The following CXorf66 variants were observed in gnomAD, a reference collection of about 807,000 sequenced individuals.
CXorf66 encodes the protein uncharacterized protein CXorf66.
Under a neutral mutation model 5.0 loss-of-function variants are expected in CXorf66, and 6 were observed. The ratio of observed to expected loss-of-function variants is 1.20; its 90% confidence interval spans 0.65 to 2.36. The LOEUF is 2.36. Ranked by LOEUF, CXorf66 falls within the 30% of genes most tolerant of loss-of-function variation. The probability of loss-of-function intolerance (pLI) is 0.00; values close to 1 mark genes in which losing one functional copy is unlikely to be tolerated. For synonymous variants in CXorf66, 98 were observed against 102.8 expected (o/e 0.95, Z 0.28); for missense variants, 270 against 254.9 (o/e 1.06, Z -0.40).
At chrX:139,959,784 G>T (rs1036445902) in intron 1 of CXorf66, among the ~76,000 whole-genome samples, 5 of 111,832 alleles carry the variant, frequency 4.5e-5, no homozygotes, top group African/African-American at 1.6e-4. Flanking sequence ...GGCAAATAGG[G>T]TCTGGAGTGG....
intron 2 of CXorf66, among the ~76,000 whole-genome samples, 179 bp downstream of exon 2, chrX:139,957,885 A>G (rs762053846): frequency 9.0e-6 from 1 of 111,703 alleles, no homozygotes; most frequent in South Asian, 3.7e-4. Context: ...TGAAGTTAAT[A>G]ATGTACTAGA....
chrX:139,963,570 C>T (rs2085602398), intron 1 of CXorf66, among the ~76,000 whole-genome samples: 1 of 111,676 alleles, frequency 9.0e-6, no homozygotes, highest in Non-Finnish European at 1.9e-5. Flanking sequence ...TACTTTAAAT[C>T]TCATATGGAA....
Position 139,955,953 on chromosome X carries a change from G to A in CXorf66, c.1029C>T (p.Ile343=), listed in dbSNP as rs758438020. The change falls in exon 3 of 3, where the codon ATC becomes ATT. Residue 343 remains isoleucine, a synonymous_variant. Transcript: ENST00000370540. ...YSEVDSDKVI[I]ITCDRGYNQV... The stretch of plus-strand genomic sequence containing the variant: ...GATTGTACCCTCTGTCACACGTAAT[G>A]ATTATAACTTTATCACTGTCAACCT... 5.5e-5 allele frequency: 66 copies of A among 1,206,818 alleles called. 1 individual carries two copies. The Middle Eastern group carries it at 2.1e-3, about 38-fold the overall frequency.
intron 1 of CXorf66, among the ~76,000 whole-genome samples, chrX:139,962,406 A>C (rs1739682090): frequency 9.0e-6 from 1 of 111,457 alleles, no homozygotes; most frequent in Admixed American, 9.6e-5. Flanking sequence ...ACCAATAACA[A>C]GTTCTGAAAT....
chrX:139,959,171 A>T (rs1004572665), intron 1 of CXorf66, among the ~76,000 whole-genome samples: 10 of 111,841 alleles, frequency 8.9e-5, no homozygotes, highest in Non-Finnish European at 1.9e-4. Flanking sequence ...TACTGGCTTG[A>T]CATTCTCGAT....
Position 139,958,073 on chromosome X carries a change from T to G in CXorf66, c.233A>C (p.Lys78Thr). Residue 78 changes from lysine to threonine, a missense_variant, in exon 2 of 3, where the codon AAA (lysine) becomes ACA (threonine). Physicochemically the swap from Lys to Thr is moderately conservative, Grantham distance 78. Transcript: ENST00000370540. ...HYNCLSDDASKAGMVKKKGIA... is the reference protein window; with the variant it reads ...HYNCLSDDASTAGMVKKKGIA... The stretch of plus-strand genomic sequence containing the variant: ...AAGGAGTAAAACTTACATTCCTGCT[T>G]TGGACGCATCATCGCTCAGACAATT... 8.3e-7 allele frequency: 1 copy of G among 1,199,625 alleles called. No homozygotes were observed. The highest frequency in any genetic ancestry group is 1.1e-6 in the Non-Finnish European group (1 of 890,895).
At chrX:139,965,376 C>T in intron 1 of CXorf66, 33 bp downstream of exon 1, 1 of 1,009,953 alleles carries the variant, frequency 9.9e-7, no homozygotes, top group Non-Finnish European at 1.4e-6. Context: ...TGTAACAGAT[C>T]ATAATTTACA....
In CXorf66 at chrX:139,956,353, G is replaced by A. The variant is rs760780875; in HGVS notation, c.629C>T (p.Pro210Leu). The change falls in exon 3 of 3, where the codon CCT becomes CTT. Residue 210 changes from proline (P) to leucine (L), a missense_variant. Physicochemically the swap from Pro to Leu is moderately conservative, Grantham distance 98. Coordinates refer to ENST00000370540, the MANE Select transcript of CXorf66 (RefSeq NM_001013403.3). Reference protein sequence around the residue: ...LASSDKPVRPPQLFKPLYSSH... With the variant: ...LASSDKPVRPLQLFKPLYSSH... ...TGAATAAAGTGGCTTGAATAGCTGAGGTGGCCTGACTGGCTTATCTGAACT... is the reference window on the plus strand; with the variant it reads ...TGAATAAAGTGGCTTGAATAGCTGAAGTGGCCTGACTGGCTTATCTGAACT... 5.0e-6 allele frequency: 6 copies of A among 1,211,663 alleles called. No homozygotes were observed. Among genetic ancestry groups the A allele is most frequent in the Non-Finnish European group, 5.6e-6 (5 of 895,355 alleles).
rs751020711 is a variant in CXorf66 at position 139,956,579 on chromosome X, C to A, written c.403G>T (p.Glu135Ter). Residue 135 changes from glutamate (E) to a stop codon, truncating the protein, a stop_gained, in exon 3 of 3, where the codon GAA becomes TAA. Coordinates refer to ENST00000370540, the MANE Select transcript of CXorf66 (RefSeq NM_001013403.3). LOFTEE classifies it low-confidence loss of function (END_TRUNC). ...PERASAQSST[E>*]KLIRPSSLQK... ...AGACTTGAGGGTCTGATTAATTTTTCTGTGCTGGATTGTGCGGATGCCCTT... is the reference window on the plus strand; with the variant it reads ...AGACTTGAGGGTCTGATTAATTTTTATGTGCTGGATTGTGCGGATGCCCTT... The A allele has an allele frequency of 8.3e-7, 1 of 1,209,167 alleles. No individual in the cohort carries two copies. The highest frequency in any genetic ancestry group is 1.1e-6 in the Non-Finnish European group (1 of 895,065).
chrX:139,961,015 G>A (rs1029656561), intron 1 of CXorf66, among the ~76,000 whole-genome samples: 1 of 111,476 alleles, frequency 9.0e-6, no homozygotes, highest in African/African-American at 3.3e-5. Flanking sequence ...TGAAGAAACT[G>A]CAACAACTAA....
intron 1 of CXorf66, among the ~76,000 whole-genome samples, chrX:139,961,735 T>C (rs759117696): frequency 1.4e-4 from 16 of 111,982 alleles, no homozygotes; most frequent in Admixed American, 5.7e-4. Context: ...CAGATCACAG[T>C]GCAATCAAAT....
chrX:139,958,935 T>A (rs757114347), intron 1 of CXorf66, among the ~76,000 whole-genome samples: 26 of 112,125 alleles, frequency 2.3e-4, no homozygotes, highest in Middle Eastern at 4.6e-3. Flanking sequence ...GACCAGGAGA[T>A]TCTCTCGTGT....
chrX:139,955,775 G>C lies in CXorf66; in HGVS notation c.*121C>G, dbSNP rs1569496088. The C allele has an allele frequency of 1.5e-5, 9 of 583,200 alleles. No homozygotes were observed. In the East Asian group the frequency reaches 3.2e-4, roughly 21 times the overall value. The allele number at this position is 583,200 out of a possible 1,213,427, so 48.1% of individuals were successfully genotyped here. ...TATTTTTAAAATAAATCGCCTCCAA[G>C]ACAGATATGGGTGATCTTGATAGTG... On this transcript the variant is annotated 3_prime_UTR_variant, in exon 3 of 3. Coordinates refer to ENST00000370540, the MANE Select transcript of CXorf66 (RefSeq NM_001013403.3).
rs376109193 is a variant in CXorf66, at chrX:139,964,721, A to T, written c.88+688T>A. On this transcript the variant is annotated intron_variant, in intron 1 of 2. Transcript: ENST00000370540. Reference sequence around the variant, plus strand: ...ATGTGGCACATATACACCATGGAATACTATGCAGCCATAAAAAAGAATGAG... The same window carrying T: ...ATGTGGCACATATACACCATGGAATTCTATGCAGCCATAAAAAAGAATGAG... 2.7e-5 allele frequency among the ~76,000 whole-genome samples: 3 copies of T among 112,031 alleles called. No homozygotes were observed. In the East Asian group the frequency reaches 8.4e-4, roughly 31 times the overall value.
chrX:139,963,793 A>G (rs779777111), intron 1 of CXorf66, among the ~76,000 whole-genome samples: 1 of 110,971 alleles, frequency 9.0e-6, no homozygotes. Flanking sequence ...GACAAACCTG[A>G]CAAAAACAAG....
At position 139,958,136 on chromosome X, in the gene CXorf66, A is replaced by G. The variant is rs1282968365; in HGVS notation, c.170T>C (p.Met57Thr). ...ACAAAAACAGATAAAGACAAAAACC[A>G]TGATGATAATACCAACTAAAATGAG... ...NLLILVGIII[M>T]VFVFICFCYL... is the part of the protein sequence containing the mutation. The change falls in exon 2 of 3, where the codon ATG (methionine) becomes ACG (threonine). Residue 57 changes from methionine to threonine, a missense_variant. By Grantham distance (81) the Met-to-Thr change is moderately conservative. Coordinates refer to ENST00000370540, the MANE Select transcript of CXorf66 (RefSeq NM_001013403.3). 8.3e-7 allele frequency: 1 copy of G among 1,200,256 alleles called. No homozygotes were observed. The highest frequency in any genetic ancestry group is 1.1e-6 in the Non-Finnish European group (1 of 887,356).
At chrX:139,958,543 T>C (rs1380871409) in intron 1 of CXorf66, among the ~76,000 whole-genome samples, 1 of 111,523 alleles carries the variant, frequency 9.0e-6, no homozygotes, top group African/African-American at 3.3e-5. Flanking sequence ...TGTGAATGTG[T>C]GTGTGTAATT....
At chrX:139,959,031 T>G in intron 1 of CXorf66, among the ~76,000 whole-genome samples, 1 of 111,348 alleles carries the variant, frequency 9.0e-6, no homozygotes, top group Admixed American at 9.6e-5. Context: ...CAGTTTTTTT[T>G]CCCCCCAGTG....
chrX:139,959,689 G>T (rs2085586571), intron 1 of CXorf66, among the ~76,000 whole-genome samples: 1 of 111,816 alleles, frequency 8.9e-6, no homozygotes, highest in African/African-American at 3.3e-5. Flanking sequence ...CTGGCATCAG[G>T]CTAGTGCCCC....
Sources: allele counts gnomAD v4.1 joint callset (sites outside exome capture counted in the v4.1 genomes callset), GRCh38; gene constraint gnomAD v4.1.1; transcripts MANE v1.5; gene names NCBI Gene and HGNC (gene_info 2026-07-23, HGNC 2026-07-21).